Variants in CLDN18 observed in about 807,000 individuals in gnomAD.
The protein encoded by CLDN18 is claudin 18.
A neutral mutation model predicts 25.0 loss-of-function variants in CLDN18; 20 were observed. That is an observed-to-expected ratio of 0.80 (90% CI 0.56 to 1.16). The LOEUF is 1.16. Among genes scored for constraint, CLDN18 ranks in the 50% most tolerant of loss-of-function variants. The pLI is 0.00. For synonymous variants in CLDN18, 125 were observed against 135.6 expected (o/e 0.92, Z 0.54); for missense variants, 297 against 345.4 (o/e 0.86, Z 1.11).
chr3:138,023,092 G>A (rs1359357664), intron 1 of CLDN18, among the ~76,000 whole-genome samples: 3 of 152,194 alleles, frequency 2.0e-5, no homozygotes, highest in Non-Finnish European at 4.4e-5. Context: ...CATAATCTTA[G>A]TAGTTCCTTC....
chr3:138,019,687 A>G (rs1942248749), intron 1 of CLDN18, among the ~76,000 whole-genome samples: 1 of 152,192 alleles, frequency 6.6e-6, no homozygotes, highest in African/African-American at 2.4e-5. Context: ...TGGGGATGAG[A>G]ACAAACATTA....
At chr3:138,013,543 A>C (rs1429000719) in intron 1 of CLDN18, among the ~76,000 whole-genome samples, 1 of 152,248 alleles carries the variant, frequency 6.6e-6, no homozygotes, top group Non-Finnish European at 1.5e-5. Flanking sequence ...AACTGCTTCA[A>C]TCTGAAAGGA....
intron 1 of CLDN18, among the ~76,000 whole-genome samples, chr3:138,010,904 G>A (rs190407340): frequency 4.9e-4 from 74 of 152,130 alleles, no homozygotes; most frequent in Non-Finnish European, 2.1e-4. Flanking sequence ...TTCAAAGTTG[G>A]AGTCTCTGTG....
At chr3:137,999,173 G>A in intron 1 of CLDN18, 7 of 1,216,514 alleles carry the variant, frequency 5.8e-6, no homozygotes, top group Non-Finnish European at 8.4e-6. Flanking sequence ...CCACGACAGG[G>A]ACTGCTGGGG....
Position 138,025,393 on chromosome 3 carries a change from G to A in CLDN18, c.503+669G>A, listed in dbSNP as rs185279201. ...CCCATATTCATTTAGTCACTTTAAA[G>A]GGATAGATCTCATAGCAAGAAGCTG... On this transcript the variant is annotated intron_variant, in intron 3 of 4. Coordinates refer to ENST00000183605, the MANE Select transcript of CLDN18 (RefSeq NM_016369.4). Among the ~76,000 whole-genome samples the A allele has an allele frequency of 2.0e-5, 3 of 152,270 alleles. No homozygotes were observed. The East Asian group carries it at 5.8e-4, about 29-fold the overall frequency.
At chr3:138,002,409 C>T (rs144638501) in intron 1 of CLDN18, among the ~76,000 whole-genome samples, 3 of 152,248 alleles carry the variant, frequency 2.0e-5, no homozygotes, top group African/African-American at 4.8e-5. Context: ...ATGTACTGAC[C>T]GCCAGCGTGC....
In CLDN18 at chr3:138,024,690, G is replaced by A. The variant is rs748597305; in HGVS notation, c.469G>A (p.Gly157Ser). Reference sequence around the variant, plus strand: ...GATGTCCACAGCTAACATGTACACCGGCATGGGTGGGATGGTGCAGACTGT... The same window carrying A: ...GATGTCCACAGCTAACATGTACACCAGCATGGGTGGGATGGTGCAGACTGT... ...FWMSTANMYT[G>S]MGGMVQTVQT... The change falls in exon 3 of 5, where the codon GGC becomes AGC. Residue 157 changes from glycine to serine, a missense_variant. Transcript: ENST00000183605. 65 of 1,612,288 alleles carry A rather than the reference G, an allele frequency of 4.0e-5. No individual in the cohort carries two copies. Among genetic ancestry groups the A allele is most frequent in the Middle Eastern group, 1.6e-4 (1 of 6,078 alleles).
In CLDN18 at chr3:138,031,270, C is replaced by A; in HGVS notation, c.*129C>A. ...GAAGTTAGAAAAGCCTCGATTTCAT[C>A]TTTGGAGAGGCCAAATGGTCTTAGC... On this transcript the variant is annotated 3_prime_UTR_variant, in exon 5 of 5. Coordinates refer to ENST00000183605, the MANE Select transcript of CLDN18 (RefSeq NM_016369.4). 1 of 792,344 alleles carries A rather than the reference C, an allele frequency of 1.3e-6. No individual in the cohort carries two copies. The highest frequency in any genetic ancestry group is 1.9e-6 in the Non-Finnish European group (1 of 521,892). 49.1% of individuals were successfully genotyped at this position (792,344 alleles called of 1,614,324 possible). A position where few individuals can be genotyped will look rare whatever the true frequency, so the allele number is the denominator to read the frequency against.
chr3:138,005,881 C>A (rs954018139), upstream of CLDN18, among the ~76,000 whole-genome samples: 3 of 151,502 alleles, frequency 2.0e-5, no homozygotes, highest in Admixed American at 1.3e-4. Flanking sequence ...GCCTTTTATT[C>A]AAAAAAATGG....
chr3:138,009,772 G>C (rs959453312), upstream of CLDN18, among the ~76,000 whole-genome samples: 27 of 152,372 alleles, frequency 1.8e-4, no homozygotes, highest in Admixed American at 1.6e-3. Context: ...AATGTGAAAA[G>C]TCTGGTTTAA....
At position 138,011,984 on chromosome 3, in the gene CLDN18, C is replaced by A. The variant is rs115037455; in HGVS notation, c.220+1539C>A. ...TTCCCTGCTTTCCTGCTAAGGTCAA[C>A]CTCTCCTGCTAAGGTCAACCTCCCC... On this transcript the variant is annotated intron_variant, in intron 1 of 4. Coordinates refer to ENST00000183605, the MANE Select transcript of CLDN18 (RefSeq NM_016369.4). Among the ~76,000 whole-genome samples the A allele has an allele frequency of 2.6e-3, 398 of 152,270 alleles. 3 individuals carry two copies. The highest frequency in any genetic ancestry group is 8.9e-3 in the African/African-American group (371 of 41,532).
intron 1 of CLDN18, among the ~76,000 whole-genome samples, chr3:138,014,349 G>A (rs1484229522): frequency 6.6e-6 from 1 of 152,148 alleles, no homozygotes; most frequent in East Asian, 1.9e-4. Flanking sequence ...TGCACTGAGG[G>A]CTCTTGGAAA....
intron 1 of CLDN18, among the ~76,000 whole-genome samples, chr3:138,014,574 G>A (rs1191417915): frequency 6.6e-6 from 1 of 152,094 alleles, no homozygotes; most frequent in Non-Finnish European, 1.5e-5. Flanking sequence ...ATGGGAACTG[G>A]GGGATAGTTC....
chr3:138,031,036 C>T lies in CLDN18; in HGVS notation c.681C>T (p.Ala227=). Residue 227 remains alanine (A), a synonymous_variant, in exon 5 of 5, where the codon GCC becomes GCT. Transcript: ENST00000183605. ...CCTACAAGCCTGGAGGCTTCAAGGC[C>T]AGCACTGGCTTTGGGTCCAACACCA... ...SVAYKPGGFK[A]STGFGSNTKN... 1 of 1,614,150 alleles carries T rather than the reference C, an allele frequency of 6.2e-7. No individual in the cohort carries two copies. The highest frequency in any genetic ancestry group is 8.5e-7 in the Non-Finnish European group (1 of 1,180,002).
intron 4 of CLDN18, 141 bp from the exon 5 acceptor site, chr3:138,030,829 C>T: frequency 1.4e-6 from 1 of 709,166 alleles, no homozygotes; most frequent in African/African-American, 1.8e-5. Flanking sequence ...AGGTTACTAA[C>T]TATCCTGGTT....
chr3:138,028,729 A>G (rs1020318855), intron 3 of CLDN18, among the ~76,000 whole-genome samples: 8 of 152,186 alleles, frequency 5.3e-5, no homozygotes, highest in African/African-American at 1.9e-4. Flanking sequence ...TGGGATCACA[A>G]TTATTTTTTT....
In CLDN18 at chr3:138,030,981, T is replaced by C; in HGVS notation, c.626T>C (p.Val209Ala). Residue 209 changes from valine to alanine, a missense_variant, in exon 5 of 5, where the codon GTT becomes GCT. Physicochemically the swap from Val to Ala is moderately conservative, Grantham distance 64 (BLOSUM62 0). Coordinates refer to ENST00000183605, the MANE Select transcript of CLDN18 (RefSeq NM_016369.4). ...LAPEETNYKA[V>A]SYHASGHSVA... is the part of the protein sequence containing the mutation. ...TATTTTTCTTTCAGCTACAAAGCCG[T>C]TTCTTATCATGCCTCAGGCCACAGT... 1.2e-6 allele frequency: 2 copies of C among 1,611,714 alleles called. No individual in the cohort carries two copies. Among genetic ancestry groups the C allele is most frequent in the South Asian group, 1.1e-5 (1 of 90,690 alleles).
chr3:138,023,921 G>A, intron 2 of CLDN18, 99 bp downstream of exon 2: 2 of 1,230,308 alleles, frequency 1.6e-6, no homozygotes, highest in South Asian at 2.9e-5. Flanking sequence ...ATGTGGTTCA[G>A]AACTTTTCAT....
intron 1 of CLDN18, among the ~76,000 whole-genome samples, chr3:138,014,758 G>C (rs1018840062): frequency 1.3e-5 from 2 of 152,222 alleles, no homozygotes; most frequent in Non-Finnish European, 2.9e-5. Flanking sequence ...AAAGCAGACA[G>C]TCCTCATGCA....
Sources: allele counts gnomAD v4.1 joint callset (sites outside exome capture counted in the v4.1 genomes callset), GRCh38; gene constraint gnomAD v4.1.1; transcripts MANE v1.5; gene names NCBI Gene and HGNC (gene_info 2026-07-23, HGNC 2026-07-21).